ACSM5: variants seen among roughly 807,000 people sequenced by gnomAD.
ACSM5 encodes the protein acyl-CoA synthetase medium chain family member 5, also known as acyl-coenzyme A synthetase ACSM5, mitochondrial.
ACSM5 carries 56 observed loss-of-function variants against 71.6 expected under a neutral mutation model. That is an observed-to-expected ratio of 0.78 (90% CI 0.63 to 0.98). ACSM5 has a LOEUF of 0.98. Among genes scored for constraint, ACSM5 ranks in the 50% least tolerant of loss-of-function variants. ACSM5 has a pLI of 0.00. For synonymous variants in ACSM5, 285 were observed against 281.5 expected (o/e 1.01, Z -0.12); for missense variants, 723 against 726.0 (o/e 1.00, Z 0.05).
chr16:20,440,037 A>T, intron 13 of ACSM5, 118 bp downstream of exon 13: 3 of 1,310,210 alleles, frequency 2.3e-6, no homozygotes, highest in Non-Finnish European at 3.2e-6. Context: ...GAAACTTGTA[A>T]CCCTGGCTGC....
chr16:20,440,102 G>A (rs1395667476), intron 13 of ACSM5, among the ~76,000 whole-genome samples, 183 bp downstream of exon 13: 1 of 151,536 alleles, frequency 6.6e-6, no homozygotes, highest in African/African-American at 2.4e-5. Flanking sequence ...AGCACATTTT[G>A]TTCCTACTCT....
chr16:20,426,973 A>G (rs34257517), intron 6 of ACSM5, among the ~76,000 whole-genome samples: 16,125 of 117,826 alleles, frequency 0.14, 9 homozygotes, highest in East Asian at 0.44. Flanking sequence ...GACTGCAATC[A>G]TCTTAAGGAT....
At chr16:20,427,451 C>T (rs1297643198) in intron 6 of ACSM5, among the ~76,000 whole-genome samples, 2 of 152,250 alleles carry the variant, frequency 1.3e-5, no homozygotes, top group African/African-American at 4.8e-5. Flanking sequence ...TGGCTTGCTT[C>T]CCCCAGAACA....
rs35010377 is a variant in ACSM5, at chr16:20,427,652, C to G, written c.922-136C>G. 656 of 715,610 alleles carry G rather than the reference C, an allele frequency of 9.2e-4. 4 individuals carry two copies. The highest frequency in any genetic ancestry group is 6.1e-3 in the South Asian group (376 of 61,906). The allele number at this position is 715,610 out of a possible 1,614,324, so 44.3% of individuals were successfully genotyped here. A position where few individuals can be genotyped will look rare whatever the true frequency, so the allele number is the denominator to read the frequency against. On this transcript the variant is annotated intron_variant, in intron 6 of 13. Coordinates refer to ENST00000331849, the MANE Select transcript of ACSM5 (RefSeq NM_017888.3). Reference sequence around the variant, plus strand: ...GGAAGTAGGAGTCACTGGACACCATCTTGGCTGCTGGATTCCACACATAGT... The same window carrying G: ...GGAAGTAGGAGTCACTGGACACCATGTTGGCTGCTGGATTCCACACATAGT...
At chr16:20,428,886 T>C (rs1030436566) in intron 7 of ACSM5, among the ~76,000 whole-genome samples, 3 of 152,244 alleles carry the variant, frequency 2.0e-5, no homozygotes, top group Admixed American at 6.5e-5. Context: ...GGATGATTTG[T>C]TGAACAGAGA....
At chr16:20,421,903 T>C (rs1966888747) in intron 5 of ACSM5, among the ~76,000 whole-genome samples, 2 of 151,582 alleles carry the variant, frequency 1.3e-5, no homozygotes, top group Non-Finnish European at 2.9e-5. Context: ...ATTTTACTTT[T>C]CATCTCTGTG....
chr16:20,423,871 G>A (rs1489651262), intron 5 of ACSM5, 45 bp from the exon 6 acceptor site: 3 of 1,609,542 alleles, frequency 1.9e-6, no homozygotes, highest in Non-Finnish European at 2.5e-6. Context: ...CTTTTTAAAG[G>A]TAGAGTCATT....
chr16:20,419,180 A>G, intron 3 of ACSM5, 48 bp from the exon 4 acceptor site: 3 of 1,594,738 alleles, frequency 1.9e-6, no homozygotes, highest in Non-Finnish European at 1.7e-6. Flanking sequence ...CTCTATACCC[A>G]AGGCCTTCCC....
rs765574822 is a variant in ACSM5 at position 20,431,293 on chromosome 16, G to A, written c.1280G>A (p.Arg427Gln). The change falls in exon 10 of 14, where the codon CGG (arginine) becomes CAG (glutamine). Residue 427 changes from arginine to glutamine, a missense_variant. Arg to Gln is a conservative substitution (Grantham distance 43). Coordinates refer to ENST00000331849, the MANE Select transcript of ACSM5 (RefSeq NM_017888.3). ...GTTGCCGTCCGTATCAGACCCACTC[G>A]GCCCTTCTGTTTCTTCAATTGCTAT... ...GNVAVRIRPT[R>Q]PFCFFNCYLD... 5.6e-6 allele frequency: 9 copies of A among 1,614,040 alleles called. No homozygotes were observed. The highest frequency in any genetic ancestry group is 1.6e-4 in the Middle Eastern group (1 of 6,084).
chr16:20,439,664 T>G, intron 12 of ACSM5, 136 bp from the exon 13 acceptor site: 4 of 1,082,240 alleles, frequency 3.7e-6, no homozygotes, highest in Non-Finnish European at 5.3e-6. Flanking sequence ...GTTTGTGTCA[T>G]TGGCTGTGCC....
At chr16:20,432,844 A>ATTTTTTTTTTT (rs1567346831) in intron 10 of ACSM5, among the ~76,000 whole-genome samples, 1 of 60,214 alleles carries the variant, frequency 1.7e-5, no homozygotes, top group Non-Finnish European at 3.1e-5. Flanking sequence ...TTTCCAGATC[A>ATTTTTTTTTTT]TTCTTTTTTT....
chr16:20,418,202 C>G lies in ACSM5; in HGVS notation c.348C>G (p.Asp116Glu). The change falls in exon 3 of 14, where the codon GAC becomes GAG. Residue 116 changes from aspartate (D) to glutamate (E), a missense_variant. Transcript: ENST00000331849. ...GTGCATGCGGCCTGCAGCCTGGGGA[C>G]AGAATGATGCTGGTACTCCCACGGC... ...LGGACGLQPG[D>E]RMMLVLPRLP... 1.2e-6 allele frequency: 2 copies of G among 1,612,724 alleles called. No individual in the cohort carries two copies. Among genetic ancestry groups the G allele is most frequent in the Non-Finnish European group, 1.7e-6 (2 of 1,179,858 alleles).
intron 5 of ACSM5, 145 bp from the exon 6 acceptor site, chr16:20,423,771 G>T: frequency 2.1e-6 from 2 of 937,478 alleles, no homozygotes; most frequent in Non-Finnish European, 3.2e-6. Flanking sequence ...TGAGACAATA[G>T]TTGACTTGAT....
intron 12 of ACSM5, among the ~76,000 whole-genome samples, chr16:20,439,061 G>C (rs1294177820): frequency 2.0e-5 from 3 of 148,492 alleles, no homozygotes; most frequent in Admixed American, 1.3e-4. Flanking sequence ...AACATGAAAT[G>C]ATAGTGGCCT....
At chr16:20,432,652 A>G (rs1381322596) in intron 10 of ACSM5, among the ~76,000 whole-genome samples, 1 of 152,034 alleles carries the variant, frequency 6.6e-6, no homozygotes, top group East Asian at 1.9e-4. Context: ...CTCGGTGTGG[A>G]GCAGGACTCT....
chr16:20,426,980 G>A (rs1966992401), intron 6 of ACSM5, among the ~76,000 whole-genome samples: 1 of 151,638 alleles, frequency 6.6e-6, no homozygotes, highest in South Asian at 2.1e-4. Context: ...ATCATCTTAA[G>A]GATTGACTGA....
intron 12 of ACSM5, among the ~76,000 whole-genome samples, chr16:20,437,627 A>T (rs1338458984): frequency 7.8e-6 from 1 of 127,782 alleles, no homozygotes; most frequent in African/African-American, 3.2e-5. Context: ...GGGGCAGGAG[A>T]TCTTGGGGGA....
chr16:20,417,980 TA>T, intron 2 of ACSM5, 78 bp from the exon 3 acceptor site: 1 of 1,351,242 alleles, frequency 7.4e-7, no homozygotes. Context: ...TTAACTATTA[TA>T]AAACATTAAA....
chr16:20,423,103 A>G (rs1474160491), intron 5 of ACSM5, among the ~76,000 whole-genome samples: 1 of 152,220 alleles, frequency 6.6e-6, no homozygotes, highest in East Asian at 1.9e-4. Context: ...ATGGTATTTC[A>G]TACCATGAGA....
Sources: allele counts gnomAD v4.1 joint callset (sites outside exome capture counted in the v4.1 genomes callset), GRCh38; gene constraint gnomAD v4.1.1; transcripts MANE v1.5; gene names NCBI Gene and HGNC (gene_info 2026-07-23, HGNC 2026-07-21).